The following UGT1A5 variants were observed in gnomAD, a reference collection of about 807,000 sequenced individuals.
UGT1A5 encodes the protein UDP glucuronosyltransferase family 1 member A5, also known as UDP-glucuronosyltransferase 1A5.
Under a neutral mutation model 40.3 loss-of-function variants are expected in UGT1A5, and 29 were observed. The observed-to-expected ratio is 0.72, with a 90% CI of 0.54 to 0.98. The LOEUF (loss-of-function observed/expected upper bound fraction) is 0.98, where lower values mean the gene tolerates loss of function less well. UGT1A5 is among the 50% of genes least tolerant of loss of function. UGT1A5 has a pLI of 0.00. For synonymous variants in UGT1A5, 257 were observed against 262.5 expected (o/e 0.98, Z 0.20); for missense variants, 678 against 677.9 (o/e 1.00, Z 0.00).
intron 1 of UGT1A5, chr2:233,760,273 A>G (rs113386420): frequency 2.5e-6 from 4 of 1,612,532 alleles, no homozygotes; most frequent in Admixed American, 1.7e-5. Flanking sequence ...AACCTCTGGC[A>G]GGAGCAAAGG....
In UGT1A5 at chr2:233,725,264, G is replaced by GGCA. The variant is rs1216362118; in HGVS notation, c.867+11407_867+11408insCAG. Among the ~76,000 whole-genome samples the GGCA allele has an allele frequency of 1.9e-4, 11 of 58,536 alleles. 1 individual carries two copies. The highest frequency in any genetic ancestry group is 1.2e-3 in the African/African-American group (9 of 7,624). 38.4% of individuals were successfully genotyped at this position (58,536 alleles called of 152,430 possible). On this transcript the variant is annotated intron_variant, in intron 1 of 4. Transcript: ENST00000373414. ...CAGAGGCAGAGGAGGCAGAGGCAGA[G>GGCA]GAGGCAGAGGCAGAGGCAGAGGCAG...
At chr2:233,720,268 C>T (rs1303323026) in intron 1 of UGT1A5, among the ~76,000 whole-genome samples, 2 of 152,036 alleles carry the variant, frequency 1.3e-5, no homozygotes, top group East Asian at 3.9e-4. Context: ...GGGATCTGTC[C>T]TGAGAAAAGT....
intron 1 of UGT1A5, among the ~76,000 whole-genome samples, chr2:233,766,284 C>T (rs982809777): frequency 7.9e-5 from 12 of 151,766 alleles, no homozygotes; most frequent in Non-Finnish European, 1.8e-4. Context: ...GGCCCGGGCT[C>T]GGTGGCCTGG....
At chr2:233,733,959 G>A (rs561727271) in intron 1 of UGT1A5, among the ~76,000 whole-genome samples, 43 of 152,168 alleles carry the variant, frequency 2.8e-4, no homozygotes, top group African/African-American at 9.4e-4. Context: ...CCTGTTGTGG[G>A]GTAGGGGGAG....
Position 233,768,400 on chromosome 2 carries a change from A to T in UGT1A5, c.1268A>T (p.Asp423Val). The change falls in exon 4 of 5, where the codon GAT becomes GTT. Residue 423 changes from aspartate (D) to valine (V), a missense_variant. Transcript: ENST00000373414. ...TLNVLEMTSE[D>V]LENALKAVIN... ...AATGTTCTGGAAATGACTTCTGAAG[A>T]TTTAGAAAATGCTCTAAAAGCAGTC... The T allele has an allele frequency of 6.2e-7, 1 of 1,614,204 alleles. No homozygotes were observed. The highest frequency in any genetic ancestry group is 8.5e-7 in the Non-Finnish European group (1 of 1,180,040).
chr2:233,738,464 T>C (rs1182388871), intron 1 of UGT1A5, among the ~76,000 whole-genome samples: 1 of 152,210 alleles, frequency 6.6e-6, no homozygotes, highest in Non-Finnish European at 1.5e-5. Flanking sequence ...GTGGGAAAGT[T>C]TGGAACTTCC....
At chr2:233,714,961 C>T (rs2076425235) in intron 1 of UGT1A5, among the ~76,000 whole-genome samples, 1 of 152,180 alleles carries the variant, frequency 6.6e-6, no homozygotes, top group South Asian at 2.1e-4. Context: ...ATTGCAACCT[C>T]CACCTCCCAG....
chr2:233,761,872 G>A (rs1697885478), intron 1 of UGT1A5, among the ~76,000 whole-genome samples: 1 of 152,232 alleles, frequency 6.6e-6, no homozygotes, highest in Admixed American at 6.5e-5. Context: ...ATTTCAGAGA[G>A]CGTTCATTCA....
intron 1 of UGT1A5, chr2:233,729,268 T>G (rs760988573): frequency 3.1e-5 from 50 of 1,613,984 alleles, no homozygotes; most frequent in Non-Finnish European, 3.5e-5. Context: ...GCGGGAGGTC[T>G]TGCGGGAGCT....
intron 4 of UGT1A5, 114 bp downstream of exon 4, chr2:233,768,553 AT>A (rs1280927222): frequency 2.3e-5 from 34 of 1,477,264 alleles, no homozygotes; most frequent in Non-Finnish European, 2.9e-5. Context: ...ATAAAAACAA[AT>A]ACATAAAAAT....
chr2:233,752,857 TTG>T (rs1695078036), intron 1 of UGT1A5, among the ~76,000 whole-genome samples: 1 of 152,216 alleles, frequency 6.6e-6, no homozygotes, highest in Non-Finnish European at 1.5e-5. Flanking sequence ...AATTTGAACT[TTG>T]TGTTAGCTTT....
At chr2:233,717,367 G>C (rs1460875817) in intron 1 of UGT1A5, among the ~76,000 whole-genome samples, 2 of 152,204 alleles carry the variant, frequency 1.3e-5, no homozygotes, top group African/African-American at 4.8e-5. Context: ...GAGTTCTCAA[G>C]CCCTTACAGA....
chr2:233,749,114 A>G (rs113228961), intron 1 of UGT1A5, among the ~76,000 whole-genome samples: 3 of 151,858 alleles, frequency 2.0e-5, no homozygotes, highest in African/African-American at 7.3e-5. Flanking sequence ...CAGCCTTTTT[A>G]TGTCATATTC....
In UGT1A5 at chr2:233,760,686, C is replaced by G. The variant is rs1553620770; in HGVS notation, c.868-6348C>G. ...CTGGCTGTTCCCACTTACTGCACAACAAGGAGCTCATGGCCTCCCTGGCAG... is the reference window on the plus strand; with the variant it reads ...CTGGCTGTTCCCACTTACTGCACAAGAAGGAGCTCATGGCCTCCCTGGCAG... On this transcript the variant is annotated intron_variant, in intron 1 of 4. Transcript: ENST00000373414. 6 of 1,614,220 alleles carry G rather than the reference C, an allele frequency of 3.7e-6. No homozygotes were observed. The highest frequency in any genetic ancestry group is 4.5e-5 in the East Asian group (2 of 44,882).
chr2:233,725,201 GGCA>G (rs1432389183), intron 1 of UGT1A5, among the ~76,000 whole-genome samples: 1 of 92,970 alleles, frequency 1.1e-5, no homozygotes, highest in Non-Finnish European at 1.9e-5. Context: ...CAGAGGCAGA[GGCA>G]GAGGCAGAGG....
At chr2:233,756,441 T>C (rs1696218483) in intron 1 of UGT1A5, 1 of 152,178 alleles carries the variant, frequency 6.6e-6, no homozygotes, top group African/African-American at 2.4e-5. Flanking sequence ...TCATTGTTGT[T>C]CCCCCCAAAT....
intron 1 of UGT1A5, among the ~76,000 whole-genome samples, chr2:233,724,520 T>C (rs200973045): frequency 0.41 from 41,671 of 101,172 alleles, 10,045 homozygotes; most frequent in African/African-American, 0.66. Flanking sequence ...ACCTCCCAGA[T>C]GGGGTCTCGC....
Position 233,772,749 on chromosome 2 carries a change from G to C in UGT1A5, c.*190G>C. 7.0e-7 allele frequency: 1 copy of C among 1,420,230 alleles called. No homozygotes were observed. Among genetic ancestry groups the C allele is most frequent in the East Asian group, 2.5e-5 (1 of 40,006 alleles). 88.0% of individuals were successfully genotyped at this position (1,420,230 alleles called of 1,614,324 possible). Reference sequence around the variant, plus strand: ...GACTCGCTAGTCAGTAAAGATATTTGAATATGTATCGTGCCCCCTCTGGTG... The same window carrying C: ...GACTCGCTAGTCAGTAAAGATATTTCAATATGTATCGTGCCCCCTCTGGTG... On this transcript the variant is annotated 3_prime_UTR_variant, in exon 5 of 5. Coordinates refer to ENST00000373414, the MANE Select transcript of UGT1A5 (RefSeq NM_019078.2).
Position 233,713,202 on chromosome 2 carries a change from G to T in UGT1A5, c.211G>T (p.Glu71Ter), listed in dbSNP as rs181492639. ...CCTGGAGGTGAATATGTACATCAAA[G>T]AAGAGAACTTTTTCACCCTGACAAC... ...LTLEVNMYIK[E>*]ENFFTLTTYA... The change falls in exon 1 of 5, where the codon GAA becomes TAA. Residue 71 changes from glutamate to a stop codon, truncating the protein, a stop_gained. Coordinates refer to ENST00000373414, the MANE Select transcript of UGT1A5 (RefSeq NM_019078.2). LOFTEE classifies it high-confidence loss of function. The T allele has an allele frequency of 1.5e-4, 250 of 1,614,240 alleles. 3 individuals carry two copies. The East Asian group carries it at 4.8e-3, about 31-fold the overall frequency.
Sources: allele counts gnomAD v4.1 joint callset (sites outside exome capture counted in the v4.1 genomes callset), GRCh38; gene constraint gnomAD v4.1.1; transcripts MANE v1.5; gene names NCBI Gene and HGNC (gene_info 2026-07-23, HGNC 2026-07-21).